The following TOP3B variants were observed in gnomAD, a reference collection of about 807,000 sequenced individuals.
TOP3B encodes DNA topoisomerase 3-beta-1.
A neutral mutation model predicts 93.9 loss-of-function variants in TOP3B; 45 were observed. The ratio of observed to expected loss-of-function variants is 0.48; its 90% confidence interval spans 0.38 to 0.61. The LOEUF is 0.61. TOP3B is among the 20% of genes least tolerant of loss of function. The pLI, the probability that TOP3B is intolerant of heterozygous loss-of-function variation, is 0.00. For synonymous variants in TOP3B, 357 were observed against 472.6 expected (o/e 0.76, Z 3.17); for missense variants, 750 against 1,156.1 (o/e 0.65, Z 5.09).
At position 21,962,581 on chromosome 22, in the gene TOP3B, C is replaced by G; in HGVS notation, c.1373G>C (p.Trp458Ser). ...LSPGFTEVMP[W>S]QSVPLEESLP... ...GCTCTCCTCCAGGGGCACGCTCTGC[C>G]AGGGCATGACCTCCGTGAAGCCTGG... Residue 458 changes from tryptophan (W) to serine (S), a missense_variant, in exon 13 of 18, where the codon TGG (tryptophan) becomes TCG (serine). Coordinates refer to ENST00000357179, the MANE Select transcript of TOP3B (RefSeq NM_001282112.2). The G allele has an allele frequency of 6.2e-7, 1 of 1,613,406 alleles. No individual in the cohort carries two copies. The highest frequency in any genetic ancestry group is 8.5e-7 in the Non-Finnish European group (1 of 1,179,942).
intron 1 of TOP3B, among the ~76,000 whole-genome samples, chr22:21,981,313 G>T (rs976931098): frequency 6.6e-6 from 1 of 152,184 alleles, no homozygotes; most frequent in Non-Finnish European, 1.5e-5. Flanking sequence ...GAGCTCCAGT[G>T]GCTGGACTTG....
chr22:21,963,835 C>A lies in TOP3B; in HGVS notation c.1204+88G>T. The A allele has an allele frequency of 1.4e-6, 2 of 1,404,482 alleles. No individual in the cohort carries two copies. 87.0% of individuals were successfully genotyped at this position (1,404,482 alleles called of 1,614,324 possible). A position where few individuals can be genotyped will look rare whatever the true frequency, so the allele number is the denominator to read the frequency against. On this transcript the variant is annotated intron_variant, in intron 11 of 17. Transcript: ENST00000357179. The surrounding 1 kb of genome is among the most constrained non-coding windows in gnomAD (Gnocchi z 4.8). ...GGCAGGCAGAGGCTGAAGGAGCCCC[C>A]ACATTGCCAACAGGGCCTGCAACCT...
chr22:21,974,291 T>G, intron 3 of TOP3B, 66 bp downstream of exon 3: 1 of 1,552,460 alleles, frequency 6.4e-7, no homozygotes, highest in Non-Finnish European at 8.8e-7. Flanking sequence ...TCTCCTGGCT[T>G]CAACTGGACC....
intron 3 of TOP3B, 166 bp from the exon 4 acceptor site, chr22:21,972,884 C>G: frequency 1.6e-6 from 1 of 643,934 alleles, no homozygotes; most frequent in East Asian, 2.9e-5. Context: ...GATGTGGGTT[C>G]AGGCCTTTGG....
intron 1 of TOP3B, chr22:21,976,461 C>G (rs984685290): frequency 6.6e-6 from 1 of 152,048 alleles, no homozygotes; most frequent in Admixed American, 6.5e-5. Context: ...GAAGCAAACA[C>G]GCACTTGAAG....
intron 13 of TOP3B, 170 bp downstream of exon 13, chr22:21,962,259 G>A (rs239915): frequency 0.17 from 263,500 of 1,571,198 alleles, 23,591 homozygotes; most frequent in African/African-American, 0.25. Context: ...GGGGATGCCC[G>A]CTGTGGACCT....
At position 21,970,075 on chromosome 22, in the gene TOP3B, C is replaced by T. The variant is rs529562391; in HGVS notation, c.581+135G>A. The T allele has an allele frequency of 1.9e-4, 175 of 936,278 alleles. No individual in the cohort carries two copies. Among genetic ancestry groups the T allele is most frequent in the Non-Finnish European group, 2.6e-4 (166 of 631,038 alleles). The allele number at this position is 936,278 out of a possible 1,614,324, so 58.0% of individuals were successfully genotyped here. On this transcript the variant is annotated intron_variant, in intron 6 of 17. Coordinates refer to ENST00000357179, the MANE Select transcript of TOP3B (RefSeq NM_001282112.2). This position sits in a 1 kb window ranked among gnomAD's most constrained non-coding sequence, Gnocchi z 4.4. ...GTTAGCCACTGTGCCTGGCCTTCTT[C>T]AGGGTTGGTGAAATCCCCTGTTGCT...
chr22:21,976,925 C>T (rs1303480167), intron 1 of TOP3B: 1 of 152,174 alleles, frequency 6.6e-6, no homozygotes, highest in Non-Finnish European at 1.5e-5. Context: ...CTCCTGCTTC[C>T]TAAATCCCAC....
intron 8 of TOP3B, chr22:21,967,398 C>T (rs763972611): frequency 3.5e-6 from 2 of 575,418 alleles, no homozygotes; most frequent in Non-Finnish European, 6.2e-6. Context: ...AGCGGGCATG[C>T]AGTACACTGT....
In TOP3B at chr22:21,975,728, A is replaced by G. The variant is rs1172420831; in HGVS notation, c.-19T>C. The G allele has an allele frequency of 6.3e-7, 1 of 1,597,656 alleles. No individual in the cohort carries two copies. Among genetic ancestry groups the G allele is most frequent in the South Asian group, 1.1e-5 (1 of 90,220 alleles). On this transcript the variant is annotated 5_prime_UTR_variant, in exon 2 of 18. Transcript: ENST00000357179. ...TCTTCATTTTGTCTCGGTCCTTCAC[A>G]CTCCAGTTTCGGGGCACTGGCAATG... is the stretch of plus-strand genomic sequence containing the variant.
At position 21,971,714 on chromosome 22, in the gene TOP3B, T is replaced by C. The variant is rs973785028; in HGVS notation, c.384+163A>G. On this transcript the variant is annotated intron_variant, in intron 5 of 17. Transcript: ENST00000357179. The surrounding 1 kb of genome is among the most constrained non-coding windows in gnomAD (Gnocchi z 4.6). ...TTAATAGAGCCTATGCAGTTAAAAG[T>C]ATCTGTGGAGTTTCAGAATAAAGGG... The C allele has an allele frequency of 1.3e-4, 94 of 708,628 alleles. 1 individual carries two copies. The highest frequency in any genetic ancestry group is 2.7e-5 in the East Asian group (1 of 36,772). 43.9% of individuals were successfully genotyped at this position (708,628 alleles called of 1,614,324 possible).
intron 17 of TOP3B, 143 bp downstream of exon 17, chr22:21,958,349 C>T (rs1363114393): frequency 1.1e-4 from 160 of 1,498,874 alleles, no homozygotes; most frequent in Non-Finnish European, 1.4e-4. Flanking sequence ...CAGCTACATC[C>T]AGGGTCTCTC....
Position 21,971,172 on chromosome 22 carries a change from G to A in TOP3B, c.384+705C>T, listed in dbSNP as rs936244496. The A allele has an allele frequency of 1.5e-6, 1 of 662,826 alleles. No individual in the cohort carries two copies. Among genetic ancestry groups the A allele is most frequent in the East Asian group, 7.3e-5 (1 of 13,610 alleles). 41.1% of individuals were successfully genotyped at this position (662,826 alleles called of 1,614,324 possible). On this transcript the variant is annotated intron_variant, in intron 5 of 17. Transcript: ENST00000357179. This position sits in a 1 kb window ranked among gnomAD's most constrained non-coding sequence, Gnocchi z 4.6. ...GAGAGGGTATCTGGGAAGAGACAGA[G>A]TGTGATCGCATTTGCTGAGGGTGCT...
intron 1 of TOP3B, among the ~76,000 whole-genome samples, chr22:21,978,536 T>C (rs2084544000): frequency 6.6e-6 from 1 of 152,076 alleles, no homozygotes; most frequent in African/African-American, 2.4e-5. Context: ...CTGGGTGGCC[T>C]GGAGGAGGTG....
intron 15 of TOP3B, 27 bp from the exon 16 acceptor site, chr22:21,959,259 A>G: frequency 6.2e-7 from 1 of 1,609,362 alleles, no homozygotes; most frequent in South Asian, 1.1e-5. Flanking sequence ...TGCAGGAGTC[A>G]TCTCCCTCCC....
chr22:21,958,097 C>T (rs1203179585), intron 17 of TOP3B: 15 of 1,261,124 alleles, frequency 1.2e-5, no homozygotes, highest in Non-Finnish European at 1.5e-5. Flanking sequence ...TCCTGCCTGC[C>T]TGGACATGCG....
chr22:21,968,941 G>C, intron 6 of TOP3B, 166 bp from the exon 7 acceptor site: 1 of 667,460 alleles, frequency 1.5e-6, no homozygotes, highest in Non-Finnish European at 2.6e-6. Flanking sequence ...GCCTTAGGGA[G>C]GATTCATGTG....
intron 7 of TOP3B, chr22:21,968,317 A>C (rs2071494916): frequency 5.3e-6 from 2 of 375,696 alleles, no homozygotes; most frequent in East Asian, 4.4e-5. Flanking sequence ...CAATGGTCTC[A>C]GTCCAGTGCT....
chr22:21,974,165 G>A (rs2071761624), intron 3 of TOP3B, 192 bp downstream of exon 3: 2 of 595,422 alleles, frequency 3.4e-6, no homozygotes, highest in Non-Finnish European at 5.6e-6. Flanking sequence ...GGGACCCAGG[G>A]CTGAGTTCCA....
Sources: gnomAD v4.1 joint callset for allele counts (sites outside exome capture counted in the v4.1 genomes callset) on GRCh38, gnomAD v4.1.1 for gene constraint, Gnocchi (gnomAD v3.1) non-coding constraint, MANE v1.5 for transcripts, NCBI Gene and HGNC (gene_info 2026-07-23, HGNC 2026-07-21) for gene names.